Variants in CDH18 observed in about 807,000 individuals in gnomAD.
The protein encoded by CDH18 is cadherin 18, also known as cadherin-18.
CDH18 carries 31 observed loss-of-function variants against 67.9 expected under a neutral mutation model. That is an observed-to-expected ratio of 0.46 (90% CI 0.34 to 0.62). The LOEUF (loss-of-function observed/expected upper bound fraction) is 0.62, where lower values mean the gene tolerates loss of function less well. Among genes scored for constraint, CDH18 ranks in the 20% least tolerant of loss-of-function variants. The pLI, the probability that CDH18 is intolerant of heterozygous loss-of-function variation, is 0.01. For synonymous variants in CDH18, 362 were observed against 347.2 expected, an observed-to-expected ratio of 1.04 and a Z score of -0.48; for missense variants, 890 against 975.5, an observed-to-expected ratio of 0.91 and a Z score of 1.17.
chr5:20,376,788 G>A (rs563095313), intron 1 of CDH18, among the ~76,000 whole-genome samples: 7 of 151,818 alleles, frequency 4.6e-5, no homozygotes, highest in Admixed American at 1.3e-4. Context: ...AGGCCGAGGC[G>A]GGAGGATCTC....
At chr5:19,747,258 A>C (rs753859145) in intron 3 of CDH18, 22 bp from the exon 4 acceptor site, 3 of 1,581,662 alleles carry the variant, frequency 1.9e-6, no homozygotes, top group South Asian at 2.2e-5. Context: ...ACATGGAATA[A>C]TTTAGCATAT....
At chr5:20,199,929 C>A (rs1561871404) in intron 2 of CDH18, among the ~76,000 whole-genome samples, 2 of 152,270 alleles carry the variant, frequency 1.3e-5, no homozygotes, top group Admixed American at 6.5e-5. Flanking sequence ...TCCCCTTTAT[C>A]TTCTGCTATG....
intron 2 of CDH18, among the ~76,000 whole-genome samples, chr5:19,920,865 A>T (rs1792356652): frequency 6.8e-6 from 1 of 147,738 alleles, no homozygotes. Context: ...GGACAAACTA[A>T]GCATTATATA....
chr5:19,970,893 T>G (rs1797960267), intron 2 of CDH18, among the ~76,000 whole-genome samples: 1 of 151,680 alleles, frequency 6.6e-6, no homozygotes, highest in South Asian at 2.1e-4. Context: ...CAGAAAACTT[T>G]TTAAAAACAG....
At chr5:19,947,354 A>G (rs1363754246) in intron 2 of CDH18, among the ~76,000 whole-genome samples, 2 of 152,016 alleles carry the variant, frequency 1.3e-5, no homozygotes, top group East Asian at 3.9e-4. Flanking sequence ...TAATTATAAA[A>G]TCACACTTTT....
chr5:20,017,392 C>T (rs752695584), intron 2 of CDH18, among the ~76,000 whole-genome samples: 5 of 151,872 alleles, frequency 3.3e-5, no homozygotes, highest in African/African-American at 4.8e-5. Flanking sequence ...TTTCCTTTTC[C>T]CATTGAGGAA....
At chr5:20,042,966 A>AAATT (rs36074065) in intron 2 of CDH18, among the ~76,000 whole-genome samples, 8,964 of 151,560 alleles carry the variant, frequency 0.059, 285 homozygotes, top group East Asian at 0.13. Context: ...CGTCTCAAAA[A>AAATT]AATTAATTAA....
At chr5:19,620,885 C>A (rs915945158) in intron 5 of CDH18, among the ~76,000 whole-genome samples, 2 of 151,984 alleles carry the variant, frequency 1.3e-5, no homozygotes, top group African/African-American at 4.8e-5. Flanking sequence ...CTCCATTCAG[C>A]AAAATGGAAT....
chr5:19,503,090 G>C lies in CDH18; in HGVS notation c.1532C>G (p.Ala511Gly). ...KPGQVIHTIS[A>G]TDKDDFANGP... ...ATTGGCAAAATCATCTTTATCAGTGGCACTGATGGTATGAATAACCTAAAG... is the reference window on the plus strand; with the variant it reads ...ATTGGCAAAATCATCTTTATCAGTGCCACTGATGGTATGAATAACCTAAAG... Residue 511 changes from alanine (A) to glycine (G), a missense_variant, in exon 11 of 13, where the codon GCC (alanine) becomes GGC (glycine). Coordinates refer to ENST00000382275, the MANE Select transcript of CDH18 (RefSeq NM_004934.5). 3 of 1,576,802 alleles carry C rather than the reference G, an allele frequency of 1.9e-6. No homozygotes were observed. The highest frequency in any genetic ancestry group is 1.7e-6 in the Non-Finnish European group (2 of 1,146,264).
chr5:19,499,427 T>A (rs1742866915), intron 11 of CDH18, among the ~76,000 whole-genome samples: 1 of 152,050 alleles, frequency 6.6e-6, no homozygotes, highest in Non-Finnish European at 1.5e-5. Context: ...TGCATACATA[T>A]AATTAAAATT....
intron 1 of CDH18, among the ~76,000 whole-genome samples, chr5:20,480,436 T>C (rs1039934854): frequency 1.3e-5 from 2 of 152,138 alleles, no homozygotes; most frequent in African/African-American, 4.8e-5. Flanking sequence ...TTTTTGTTTT[T>C]TGAGACAGTC....
At chr5:19,631,033 AG>A (rs1752348440) in intron 5 of CDH18, among the ~76,000 whole-genome samples, 1 of 152,076 alleles carries the variant, frequency 6.6e-6, no homozygotes, top group Non-Finnish European at 1.5e-5. Flanking sequence ...CTTCAATCTT[AG>A]GGTTCCAGAG....
intron 2 of CDH18, among the ~76,000 whole-genome samples, chr5:19,846,428 C>T (rs980641160): frequency 2.0e-4 from 30 of 152,214 alleles, no homozygotes; most frequent in African/African-American, 5.8e-4. Context: ...ATTTACACAA[C>T]ACTGTTACAT....
At chr5:19,626,669 C>A (rs1240285167) in intron 5 of CDH18, among the ~76,000 whole-genome samples, 1 of 151,350 alleles carries the variant, frequency 6.6e-6, no homozygotes, top group Non-Finnish European at 1.5e-5. Context: ...CCTCACAACA[C>A]TGACATTCTA....
chr5:20,242,444 T>C lies in CDH18; in HGVS notation c.-518+13000A>G, dbSNP rs114246512. 3.0e-3 allele frequency among the ~76,000 whole-genome samples: 455 copies of C among 151,200 alleles called. 2 individuals are homozygous for C. The highest frequency in any genetic ancestry group is 0.01 in the African/African-American group (428 of 41,106). ...CTTCTATGAGTTCAACTTTTAAAGATTGCACATATCAATGAGATCATATGA... is the reference window on the plus strand; with the variant it reads ...CTTCTATGAGTTCAACTTTTAAAGACTGCACATATCAATGAGATCATATGA... On this transcript the variant is annotated intron_variant, in intron 2 of 14. Coordinates refer to the CDH18 transcript ENST00000507958.
At chr5:20,101,848 C>T (rs1325759588) in intron 2 of CDH18, among the ~76,000 whole-genome samples, 3 of 152,198 alleles carry the variant, frequency 2.0e-5, no homozygotes, top group East Asian at 1.9e-4. Context: ...CCGAGGCGGG[C>T]GGGTCACAAG....
At chr5:20,529,590 C>T (rs1756276010) in intron 1 of CDH18, among the ~76,000 whole-genome samples, 1 of 152,022 alleles carries the variant, frequency 6.6e-6, no homozygotes, top group South Asian at 2.1e-4. Flanking sequence ...TTAACACACA[C>T]AAATCAATAT....
intron 1 of CDH18, among the ~76,000 whole-genome samples, chr5:20,563,432 T>C (rs939611073): frequency 6.6e-6 from 1 of 152,284 alleles, no homozygotes; most frequent in African/African-American, 2.4e-5. Flanking sequence ...AGGTCTAGAA[T>C]GGCTTCTTAA....
chr5:19,591,197 C>G lies in CDH18; in HGVS notation c.859G>C (p.Val287Leu), dbSNP rs1472075035. ...VPESAQVGSA[V>L]GKIKANDADT... ...GCATCATTTGCCTTGATTTTCCCAA[C>G]AGCTGAACCAACTTGAGCTGACTCA... The change falls in exon 7 of 13, where the codon GTT becomes CTT. Residue 287 changes from valine (V) to leucine (L), a missense_variant. Coordinates refer to ENST00000382275, the MANE Select transcript of CDH18 (RefSeq NM_004934.5). 1 of 1,612,430 alleles carries G rather than the reference C, an allele frequency of 6.2e-7. No homozygotes were observed. The highest frequency in any genetic ancestry group is 1.7e-5 in the Admixed American group (1 of 59,734).
Sources: gnomAD v4.1 joint callset for allele counts (sites outside exome capture counted in the v4.1 genomes callset) on GRCh38, gnomAD v4.1.1 for gene constraint, MANE v1.5 for transcripts, NCBI Gene and HGNC (gene_info 2026-07-23, HGNC 2026-07-21) for gene names.